The following GPHN variants were observed in gnomAD, a reference collection of about 807,000 sequenced individuals.
GPHN encodes gephyrin.
A neutral mutation model predicts 95.5 loss-of-function variants in GPHN; 17 were observed. That is an observed-to-expected ratio of 0.18 (90% confidence interval 0.12 to 0.27). The LOEUF is 0.27. Among genes scored for constraint, GPHN ranks in the 10% least tolerant of loss-of-function variants. GPHN has a pLI of 1.00. For synonymous variants in GPHN, 320 were observed against 322.5 expected, an observed-to-expected ratio of 0.99 and a Z score of 0.08; for missense variants, 660 against 978.1, an observed-to-expected ratio of 0.67 and a Z score of 4.34.
At chr14:67,209,458 A>G in the GPHN span, among the ~76,000 whole-genome samples, 1 of 152,198 alleles carries the variant, frequency 6.6e-6, no homozygotes, top group South Asian at 2.1e-4. Flanking sequence ...ACAATTACAA[A>G]TCTCTGCCAA....
At chr14:67,525,033 T>C in the GPHN span, among the ~76,000 whole-genome samples, 3 of 152,344 alleles carry the variant, frequency 2.0e-5, no homozygotes, top group Non-Finnish European at 4.4e-5. Flanking sequence ...CTCGGCTTTC[T>C]ACTTACTCAT....
In GPHN at chr14:66,539,669, C is replaced by A. The variant is rs1242678268; in HGVS notation, c.64+31078C>A. Among the ~76,000 whole-genome samples, 3 of 152,208 alleles carry A rather than the reference C, an allele frequency of 2.0e-5. No individual in the cohort carries two copies. The East Asian group carries it at 5.8e-4, about 29-fold the overall frequency. On this transcript the variant is annotated intron_variant, in intron 1 of 22. Coordinates refer to ENST00000478722, the MANE Select transcript of GPHN (RefSeq NM_020806.5). ...CTCCTGACCTCAGGTGATCTGCTCACCTCGGCCTCCCAAAGTGCTGGGATT... is the reference window on the plus strand; with the variant it reads ...CTCCTGACCTCAGGTGATCTGCTCAACTCGGCCTCCCAAAGTGCTGGGATT...
the GPHN span, among the ~76,000 whole-genome samples, chr14:67,622,776 CTCTACCG>C: frequency 6.6e-6 from 1 of 152,346 alleles, no homozygotes; most frequent in Admixed American, 6.5e-5. Context: ...GCTCAAATTG[CTCTACCG>C]TCTGTAGGTT....
At chr14:67,439,555 T>TTC in the GPHN span, among the ~76,000 whole-genome samples, 3 of 72,242 alleles carry the variant, frequency 4.2e-5, no homozygotes, top group African/African-American at 7.6e-5. Context: ...CTTTCTTTCT[T>TTC]TCTTTCTTTC....
intron 18 of GPHN, among the ~76,000 whole-genome samples, chr14:67,150,462 A>AAAC (rs1555503620): frequency 1.3e-5 from 2 of 149,540 alleles, no homozygotes; most frequent in African/African-American, 4.9e-5. Context: ...ACAAAAAAAA[A>AAAC]AAAAAAAAAA....
At chr14:67,473,982 G>C in the GPHN span, 1 of 1,519,084 alleles carries the variant, frequency 6.6e-7, no homozygotes, top group East Asian at 2.4e-5. This position sits in a 1 kb window ranked among gnomAD's most constrained non-coding sequence, Gnocchi z 6.5. Flanking sequence ...GCCGGGCGCG[G>C]TGGCTCACGC....
At chr14:67,433,947 C>T in the GPHN span, among the ~76,000 whole-genome samples, 1 of 152,170 alleles carries the variant, frequency 6.6e-6, no homozygotes, top group African/African-American at 2.4e-5. Context: ...ATATCAGAGA[C>T]AGGATGGACG....
At position 66,513,952 on chromosome 14, in the gene GPHN, T is replaced by C. The variant is rs536484475; in HGVS notation, c.64+5361T>C. 2.0e-5 allele frequency among the ~76,000 whole-genome samples: 3 copies of C among 152,012 alleles called. No homozygotes were observed. In the East Asian group the frequency reaches 5.8e-4, roughly 29 times the overall value. On this transcript the variant is annotated intron_variant, in intron 1 of 22. Coordinates refer to ENST00000478722, the MANE Select transcript of GPHN (RefSeq NM_020806.5). ...TACATTTCGAAAGAGTGTAATTAAA[T>C]TTACCATGCTTTAAAAAGAATTCTT... is the stretch of plus-strand genomic sequence containing the variant.
In GPHN at chr14:66,702,283, C is replaced by G. The variant is rs1308239181; in HGVS notation, c.143+21098C>G. ...CCCCCAGTGAAGCACAGCCCTTCCCCCAAGGGACAATCTAAGTACTTCATT... is the reference window on the plus strand; with the variant it reads ...CCCCCAGTGAAGCACAGCCCTTCCCGCAAGGGACAATCTAAGTACTTCATT... On this transcript the variant is annotated intron_variant, in intron 2 of 22. Transcript: ENST00000478722. 2.0e-5 allele frequency among the ~76,000 whole-genome samples: 3 copies of G among 152,310 alleles called. No individual in the cohort carries two copies. The South Asian group carries it at 6.2e-4, about 32-fold the overall frequency.
At chr14:67,290,016 C>T in the GPHN span, among the ~76,000 whole-genome samples, 1 of 152,102 alleles carries the variant, frequency 6.6e-6, no homozygotes, top group African/African-American at 2.4e-5. Flanking sequence ...TCATGATCCA[C>T]CCGCCTTGGT....
the GPHN span, among the ~76,000 whole-genome samples, chr14:67,358,951 C>T: frequency 6.6e-6 from 1 of 152,090 alleles, no homozygotes; most frequent in Non-Finnish European, 1.5e-5. Flanking sequence ...ACTCTTTCAT[C>T]CTGGAGAGAG....
chr14:67,642,757 C>T, the GPHN span, among the ~76,000 whole-genome samples: 1 of 141,118 alleles, frequency 7.1e-6, no homozygotes, highest in African/African-American at 2.6e-5. Flanking sequence ...GCTAATAGAC[C>T]TGTTAGAAAT....
At chr14:66,747,385 C>T (rs2058194199) in intron 2 of GPHN, among the ~76,000 whole-genome samples, 1 of 151,924 alleles carries the variant, frequency 6.6e-6, no homozygotes, top group African/African-American at 2.4e-5. Context: ...TATTTTTGTT[C>T]TTATTTGTAT....
chr14:66,664,231 A>C (rs1261637538), intron 1 of GPHN, among the ~76,000 whole-genome samples: 1 of 152,212 alleles, frequency 6.6e-6, no homozygotes, highest in Non-Finnish European at 1.5e-5. Flanking sequence ...AATCGGAAGT[A>C]AAACACTGCT....
At chr14:67,673,434 C>A in the GPHN span, among the ~76,000 whole-genome samples, 1 of 152,154 alleles carries the variant, frequency 6.6e-6, no homozygotes. Flanking sequence ...TTTAACACTG[C>A]CTCTTAATAG....
At chr14:67,527,106 C>G in the GPHN span, among the ~76,000 whole-genome samples, 1 of 152,294 alleles carries the variant, frequency 6.6e-6, no homozygotes, top group African/African-American at 2.4e-5. Flanking sequence ...TCATTGCAAC[C>G]TTTCAGCCTG....
At chr14:67,047,392 G>C (rs1461708788) in intron 10 of GPHN, among the ~76,000 whole-genome samples, 1 of 139,924 alleles carries the variant, frequency 7.1e-6, no homozygotes. Context: ...TTGAGACAGA[G>C]TCTCACTCTG....
intron 1 of GPHN, among the ~76,000 whole-genome samples, chr14:66,518,794 GAAGTA>G (rs912390317): frequency 6.6e-6 from 1 of 152,094 alleles, no homozygotes. Context: ...TGGTTTCATA[GAAGTA>G]AAGTAGAACA....
chr14:66,974,153 A>G lies in GPHN; in HGVS notation c.963+8828A>G, dbSNP rs949079005. ...AGCGAAGCAGAATTTTGAGACTTCA[A>G]ATAAAAGACAATTCCTTTACACCCT... On this transcript the variant is annotated intron_variant, in intron 9 of 22. Coordinates refer to ENST00000478722, the MANE Select transcript of GPHN (RefSeq NM_020806.5). 3.3e-5 allele frequency among the ~76,000 whole-genome samples: 5 copies of G among 152,186 alleles called. No individual in the cohort carries two copies. In the South Asian group the frequency reaches 1.0e-3, roughly 32 times the overall value.
Sources: gnomAD v4.1 joint callset for allele counts (sites outside exome capture counted in the v4.1 genomes callset) on GRCh38, gnomAD v4.1.1 for gene constraint, Gnocchi (gnomAD v3.1) non-coding constraint, MANE v1.5 for transcripts, NCBI Gene and HGNC (gene_info 2026-07-23, HGNC 2026-07-21) for gene names.